Variants in ZNF24 observed in about 807,000 individuals in gnomAD.
ZNF24 encodes the protein retinoic acid suppression protein A.
ZNF24 carries 11 observed loss-of-function variants against 40.9 expected under a neutral mutation model. That is an observed-to-expected ratio of 0.27 (90% CI 0.17 to 0.45). The LOEUF is 0.45. ZNF24 is among the 20% of genes least tolerant of loss of function. The pLI, the probability that ZNF24 is intolerant of heterozygous loss-of-function variation, is 1.00. For synonymous variants in ZNF24, 139 were observed against 154.7 expected, an observed-to-expected ratio of 0.90 and a Z score of 0.75; for missense variants, 293 against 437.7, an observed-to-expected ratio of 0.67 and a Z score of 2.95.
chr18:35,338,613 C>T (rs539738784), intron 3 of ZNF24: 26 of 993,462 alleles, frequency 2.6e-5, no homozygotes, highest in South Asian at 4.6e-5. Flanking sequence ...CTGCCTTCAG[C>T]GAAGAGGAAA....
At chr18:35,339,041 A>G (rs527383981) in intron 3 of ZNF24, 1 of 1,536,106 alleles carries the variant, frequency 6.5e-7, no homozygotes, top group South Asian at 1.2e-5. Flanking sequence ...GTGGCATACC[A>G]GCACCATCTC....
chr18:35,340,585 T>G lies in ZNF24; in HGVS notation c.66A>C (p.Lys22Asn). 6.2e-7 allele frequency: 1 copy of G among 1,614,158 alleles called. No individual in the cohort carries two copies. The highest frequency in any genetic ancestry group is 1.1e-5 in the South Asian group (1 of 91,084). Residue 22 changes from lysine to asparagine, a missense_variant, in exon 2 of 4, where the codon AAA becomes AAC. By Grantham distance (94) the Lys-to-Asn change is moderately conservative. This residue lies in a region of ZNF24 where 234 missense variants were observed against 299.2 expected (regional missense o/e 0.78). Transcript: ENST00000261332. The surrounding 1 kb of genome is among the most constrained non-coding windows in gnomAD (Gnocchi z 4.6). The part of the protein sequence containing the change: ...LIIPTPDEEE[K>N]ILRVKLEEDP... ...CCTCCTCCAACTTCACTCTCAGAAT[T>G]TTTTCCTCTTCATCTGGAGTTGGGA...
At position 35,332,572 on chromosome 18, in the gene ZNF24, T is replaced by A. The variant is rs752640611; in HGVS notation, c.*4660A>T. On this transcript the variant is annotated 3_prime_UTR_variant, in exon 4 of 4. Transcript: ENST00000261332. ...CTTACATGGTCCTTGGTTCCTGGGA[T>A]CTCCATAAAGCCTTCTTTCCAGTAG... The A allele has an allele frequency of 2.0e-5, 3 of 152,634 alleles. No homozygotes were observed. The highest frequency in any genetic ancestry group is 4.4e-5 in the Non-Finnish European group (3 of 68,048). The allele number at this position is 152,634 out of a possible 1,614,324, so 9.5% of individuals were successfully genotyped here.
chr18:35,339,444 G>A (rs1294408644), intron 3 of ZNF24, among the ~76,000 whole-genome samples: 4 of 152,154 alleles, frequency 2.6e-5, no homozygotes, highest in African/African-American at 4.8e-5. Context: ...AAAGAGATTA[G>A]AAGAGGTTTT....
intron 1 of ZNF24, among the ~76,000 whole-genome samples, chr18:35,343,015 CA>C (rs1237516511): frequency 6.6e-6 from 1 of 152,128 alleles, no homozygotes; most frequent in Non-Finnish European, 1.5e-5. Flanking sequence ...CAAGTCAACT[CA>C]AAAGGAAGGT....
At position 35,340,231 on chromosome 18, in the gene ZNF24, C is replaced by T. The variant is rs1190131517; in HGVS notation, c.420G>A (p.Pro140=). 3.7e-6 allele frequency: 6 copies of T among 1,609,154 alleles called. No individual in the cohort carries two copies. The highest frequency in any genetic ancestry group is 5.1e-6 in the Non-Finnish European group (6 of 1,175,818). The change falls in exon 2 of 4, where the codon CCG becomes CCA. Residue 140 remains proline (P), a splice_region_variant and synonymous_variant. Transcript: ENST00000261332. The surrounding 1 kb of genome is among the most constrained non-coding windows in gnomAD (Gnocchi z 4.6). ...CAGGAAATGACACAAGCAGGCTCAC[C>T]GGTTGTCCAGGGTCATCAAGTTCAC... is the stretch of plus-strand genomic sequence containing the variant. The part of the protein sequence containing the change: ...LESELDDPGQ[P]VSLRRRKREV...
In ZNF24 at chr18:35,335,790, A is replaced by T. The variant is rs1415840624; in HGVS notation, c.*1442T>A. 6.6e-6 allele frequency: 1 copy of T among 152,058 alleles called. No homozygotes were observed. Among genetic ancestry groups the T allele is most frequent in the Non-Finnish European group, 1.5e-5 (1 of 67,920 alleles). The allele number at this position is 152,058 out of a possible 1,614,324, so 9.4% of individuals were successfully genotyped here. On this transcript the variant is annotated 3_prime_UTR_variant, in exon 4 of 4. Coordinates refer to ENST00000261332, the MANE Select transcript of ZNF24 (RefSeq NM_006965.4). ...AATTAAAAAAAAATTCAATTGTGATAGGTTAATAAACTAGTTAATTGTCTA... is the reference window on the plus strand; with the variant it reads ...AATTAAAAAAAAATTCAATTGTGATTGGTTAATAAACTAGTTAATTGTCTA...
chr18:35,342,899 A>G (rs991829032), intron 1 of ZNF24, among the ~76,000 whole-genome samples: 1 of 152,212 alleles, frequency 6.6e-6, no homozygotes, highest in African/African-American at 2.4e-5. Flanking sequence ...CTATGTCAAT[A>G]ATCAAAAGAA....
rs577488010 is a variant in ZNF24 at position 35,334,508 on chromosome 18, G to A, written c.*2724C>T. ...TTGCTAAAGATCAAGTACCAACTGG[G>A]TATGACTACAGAGAGCTTAACCTCC... On this transcript the variant is annotated 3_prime_UTR_variant, in exon 4 of 4. Transcript: ENST00000261332. 1 of 152,238 alleles carries A rather than the reference G, an allele frequency of 6.6e-6. No homozygotes were observed. Among genetic ancestry groups the A allele is most frequent in the South Asian group, 2.1e-4 (1 of 4,824 alleles). 9.4% of individuals were successfully genotyped at this position (152,238 alleles called of 1,614,324 possible). A position where few individuals can be genotyped will look rare whatever the true frequency, so the allele number is the denominator to read the frequency against.
rs1188065001 is a variant in ZNF24 at position 35,336,924 on chromosome 18, C to A, written c.*308G>T. The A allele has an allele frequency of 3.8e-5, 9 of 235,268 alleles. No homozygotes were observed. Among genetic ancestry groups the A allele is most frequent in the Admixed American group, 2.7e-4 (5 of 18,594 alleles). 14.6% of individuals were successfully genotyped at this position (235,268 alleles called of 1,614,324 possible). On this transcript the variant is annotated 3_prime_UTR_variant, in exon 4 of 4. Coordinates refer to ENST00000261332, the MANE Select transcript of ZNF24 (RefSeq NM_006965.4). ...TAATGTATTTGTCTTAAAAAAGAAA[C>A]TTTCAAGAAAGGGACAATGAATCAG...
chr18:35,340,120 G>C lies in ZNF24; in HGVS notation c.420+111C>G. On this transcript the variant is annotated intron_variant, in intron 2 of 3. Transcript: ENST00000261332. This position sits in a 1 kb window ranked among gnomAD's most constrained non-coding sequence, Gnocchi z 4.6. ...ATAACAAGGAGTGGTAGGGGAATGG[G>C]GGAAAAGGCATAAACATAATTCTAA... 1.3e-5 allele frequency: 20 copies of C among 1,498,064 alleles called. 1 individual carries two copies. The South Asian group carries it at 1.9e-4, about 14-fold the overall frequency. The allele number at this position is 1,498,064 out of a possible 1,614,324, so 92.8% of individuals were successfully genotyped here.
chr18:35,343,867 GCCCCGGCCCGA>G (rs2044991815), intron 1 of ZNF24: 1 of 148,630 alleles, frequency 6.7e-6, no homozygotes, highest in Admixed American at 6.6e-5. Flanking sequence ...CCCGGCCCCG[GCCCCGGCCCGA>G]CGTCCTCTAG....
Position 35,335,389 on chromosome 18 carries a change from C to T in ZNF24, c.*1843G>A, listed in dbSNP as rs1018247397. The T allele has an allele frequency of 6.6e-6, 1 of 152,162 alleles. No individual in the cohort carries two copies. Among genetic ancestry groups the T allele is most frequent in the African/African-American group, 2.4e-5 (1 of 41,436 alleles). The allele number at this position is 152,162 out of a possible 1,614,324, so 9.4% of individuals were successfully genotyped here. ...TCAATAAATCTTAATCTATAAAGCA[C>T]ATTTTTTATAATTGTTATCAGAAAA... is the stretch of plus-strand genomic sequence containing the variant. On this transcript the variant is annotated 3_prime_UTR_variant, in exon 4 of 4. Transcript: ENST00000261332.
rs2044887896 is a variant in ZNF24, at chr18:35,334,641, T to C, written c.*2591A>G. ...TCATTTGCTAACCAAACAGATACTCTGGCGATGCCACTGCTTGGCACTGCC... is the reference window on the plus strand; with the variant it reads ...TCATTTGCTAACCAAACAGATACTCCGGCGATGCCACTGCTTGGCACTGCC... On this transcript the variant is annotated 3_prime_UTR_variant, in exon 4 of 4. Coordinates refer to ENST00000261332, the MANE Select transcript of ZNF24 (RefSeq NM_006965.4). The C allele has an allele frequency of 1.3e-5, 1 of 75,944 alleles. No individual in the cohort carries two copies. Among genetic ancestry groups the C allele is most frequent in the East Asian group, 2.3e-4 (1 of 4,376 alleles). The allele number at this position is 75,944 out of a possible 1,614,324, so 4.7% of individuals were successfully genotyped here.
chr18:35,338,492 A>G (rs1289929468), intron 3 of ZNF24: 1 of 985,460 alleles, frequency 1.0e-6, no homozygotes, highest in African/African-American at 1.7e-5. Context: ...AATTACCAAC[A>G]TGGGTTAGCA....
Position 35,340,513 on chromosome 18 carries a change from T to C in ZNF24, c.138A>G (p.Pro46=), listed in dbSNP as rs764957347. 1.9e-6 allele frequency: 3 copies of C among 1,614,252 alleles called. No homozygotes were observed. Among genetic ancestry groups the C allele is most frequent in the Non-Finnish European group, 2.5e-6 (3 of 1,180,036 alleles). ...EGSSIPWNHL[P]DPEIFRQRFR... is the part of the protein sequence containing the mutation. ...ATCGCTGTCGGAAAATCTCTGGGTC[T>C]GGGAGATGGTTCCAGGGGATACTTG... Residue 46 remains proline (P), a synonymous_variant, in exon 2 of 4, where the codon CCA becomes CCG. Coordinates refer to ENST00000261332, the MANE Select transcript of ZNF24 (RefSeq NM_006965.4). This position sits in a 1 kb window ranked among gnomAD's most constrained non-coding sequence, Gnocchi z 4.6.
In ZNF24 at chr18:35,337,732, T is replaced by C. The variant is rs2044925023; in HGVS notation, c.607A>G (p.Lys203Glu). Residue 203 changes from lysine to glutamate, a missense_variant, in exon 4 of 4, where the codon AAG becomes GAG. Coordinates refer to ENST00000261332, the MANE Select transcript of ZNF24 (RefSeq NM_006965.4). ...GRTENGALAP[K>E]QELPSALESH... ...TCTAATGCTGAAGGAAGCTCCTGCT[T>C]TGGAGCTAGTGCTCCATTTTCAGTC... 10 of 1,604,392 alleles carry C rather than the reference T, an allele frequency of 6.2e-6. No individual in the cohort carries two copies. The highest frequency in any genetic ancestry group is 1.7e-5 in the Admixed American group (1 of 58,784).
chr18:35,338,722 A>G, intron 3 of ZNF24: 6 of 1,165,038 alleles, frequency 5.2e-6, no homozygotes, highest in Non-Finnish European at 6.4e-6. Flanking sequence ...GACTTGAAAA[A>G]CAGAGGAGCG....
At chr18:35,338,746 G>A (rs1157149807) in intron 3 of ZNF24, 6 of 1,217,774 alleles carry the variant, frequency 4.9e-6, no homozygotes, top group Non-Finnish European at 6.1e-6. Context: ...AGATTAAGTG[G>A]AGACAAACGG....
Sources: allele counts gnomAD v4.1 joint callset (sites outside exome capture counted in the v4.1 genomes callset), GRCh38; gene constraint gnomAD v4.1.1; regional missense constraint gnomAD v4.1.1; non-coding constraint Gnocchi (gnomAD v3.1); transcripts MANE v1.5; gene names NCBI Gene and HGNC (gene_info 2026-07-23, HGNC 2026-07-21).